The following BPTF variants were observed in gnomAD, a reference collection of about 807,000 sequenced individuals.
BPTF encodes the protein bromodomain PHD finger transcription factor.
Under a neutral mutation model 292.5 loss-of-function variants are expected in BPTF, and 18 were observed. The ratio of observed to expected loss-of-function variants is 0.06; its 90% CI spans 0.04 to 0.09. The LOEUF (loss-of-function observed/expected upper bound fraction) is 0.09, where lower values mean the gene tolerates loss of function less well. Ranked by LOEUF, BPTF falls within the 10% of genes least tolerant of loss-of-function variation. The probability of loss-of-function intolerance (pLI) is 1.00; values close to 1 mark genes in which losing one functional copy is unlikely to be tolerated. For synonymous variants in BPTF, 1,225 were observed against 1,251.9 expected (o/e 0.98, Z 0.45); for missense variants, 2,726 against 3,498.7 (o/e 0.78, Z 5.57).
At chr17:67,897,831 A>T (rs1053745905) in intron 7 of BPTF, among the ~76,000 whole-genome samples, 3 of 152,210 alleles carry the variant, frequency 2.0e-5, no homozygotes. Flanking sequence ...TGTTTCTGTT[A>T]GTGTGAAACT....
chr17:67,917,870 G>A (rs2063153130), intron 11 of BPTF, among the ~76,000 whole-genome samples: 1 of 152,068 alleles, frequency 6.6e-6, no homozygotes, highest in African/African-American at 2.4e-5. Context: ...GGAATGCAGT[G>A]GCCGGATCTT....
intron 7 of BPTF, among the ~76,000 whole-genome samples, chr17:67,901,777 G>A (rs966270593): frequency 1.3e-5 from 2 of 152,186 alleles, no homozygotes; most frequent in African/African-American, 4.8e-5. Context: ...AGGAACGCAG[G>A]GTGGCTTTAT....
At chr17:67,940,283 A>T (rs1279019539) in intron 18 of BPTF, among the ~76,000 whole-genome samples, 156 bp from the exon 19 acceptor site, 1 of 152,180 alleles carries the variant, frequency 6.6e-6, no homozygotes, top group Non-Finnish European at 1.5e-5. Flanking sequence ...GGACCTTTGG[A>T]TGTGGGTATA....
At chr17:67,967,825 A>G (rs1555688405) in intron 26 of BPTF, among the ~76,000 whole-genome samples, 1 of 148,842 alleles carries the variant, frequency 6.7e-6, no homozygotes, top group Non-Finnish European at 1.5e-5. Flanking sequence ...TCAAAAAAAA[A>G]AAAAAGATTG....
rs181587826 is a variant in BPTF, at chr17:67,932,544, A to T, written c.6259+525A>T. Among the ~76,000 whole-genome samples, 6 of 152,244 alleles carry T rather than the reference A, an allele frequency of 3.9e-5. No individual in the cohort carries two copies. The East Asian group carries it at 9.7e-4, about 25-fold the overall frequency. On this transcript the variant is annotated intron_variant, in intron 18 of 27. Transcript: ENST00000306378. ...AAATGCCATCTCTACTAAAAATATT[A>T]AAAAATTAGCTGGGCGTGGTGCCTC...
chr17:67,868,129 C>T (rs1598338240), intron 3 of BPTF, among the ~76,000 whole-genome samples: 1 of 151,926 alleles, frequency 6.6e-6, no homozygotes, highest in Non-Finnish European at 1.5e-5. Context: ...TTCAATGTCA[C>T]CTTATTTATT....
intron 3 of BPTF, among the ~76,000 whole-genome samples, chr17:67,868,978 A>AT (rs1420182535): frequency 6.6e-6 from 1 of 152,104 alleles, no homozygotes; most frequent in Non-Finnish European, 1.5e-5. Context: ...AAAATGTGTA[A>AT]TTTTTTTATT....
At chr17:67,897,762 A>C (rs2061549443) in intron 7 of BPTF, among the ~76,000 whole-genome samples, 1 of 152,166 alleles carries the variant, frequency 6.6e-6, no homozygotes, top group African/African-American at 2.4e-5. Context: ...AATTTCGAGA[A>C]CCAGATAGTT....
In BPTF at chr17:67,893,689, C is replaced by T; in HGVS notation, c.2375C>T (p.Pro792Leu). 1 of 1,609,572 alleles carries T rather than the reference C, an allele frequency of 6.2e-7. No homozygotes were observed. Among genetic ancestry groups the T allele is most frequent in the East Asian group, 2.2e-5 (1 of 44,836 alleles). The change falls in exon 6 of 28, where the codon CCT (proline) becomes CTT (leucine). Residue 792 changes from proline (P) to leucine (L), a missense_variant. By Grantham distance (98) the Pro-to-Leu change is moderately conservative. Coordinates refer to ENST00000306378, the MANE Select transcript of BPTF (RefSeq NM_182641.4). ...ATCACCCAATTAGAAAACAACATCC[C>T]TTCATCCTTTCTTCATCCCAACTGG... ...LTITQLENNI[P>L]SSFLHPNWAS... is the part of the protein sequence containing the mutation.
chr17:67,918,585 A>G (rs1456119878), intron 11 of BPTF, 129 bp from the exon 12 acceptor site: 12 of 779,576 alleles, frequency 1.5e-5, no homozygotes, highest in Middle Eastern at 3.7e-4. Context: ...TTACAAAACC[A>G]TATTATAAAT....
In BPTF at chr17:67,835,913, C is replaced by T. The variant is rs188214812; in HGVS notation, c.613+9576C>T. 5.3e-3 allele frequency among the ~76,000 whole-genome samples: 800 copies of T among 152,196 alleles called. 7 individuals are homozygous for T. Among genetic ancestry groups the T allele is most frequent in the Non-Finnish European group, 7.7e-3 (523 of 67,996 alleles). On this transcript the variant is annotated intron_variant, in intron 1 of 27. Transcript: ENST00000306378. ...ATTTCCTGACCTTGTGATCCGCCCA[C>T]CTCAGCCTCCCAAAGTGCTGGGATT...
Position 67,885,745 on chromosome 17 carries a change from G to T in BPTF, c.1865-6099G>T, listed in dbSNP as rs149398277. Reference sequence around the variant, plus strand: ...AGTAAGACTATAAGCTTCAGATTTTGAATACTATCTCAGCAAACTACCTCT... The same window carrying T: ...AGTAAGACTATAAGCTTCAGATTTTTAATACTATCTCAGCAAACTACCTCT... On this transcript the variant is annotated intron_variant, in intron 4 of 27. Transcript: ENST00000306378. Among the ~76,000 whole-genome samples, 427 of 152,290 alleles carry T rather than the reference G, an allele frequency of 2.8e-3. 5 individuals carry two copies. Among genetic ancestry groups the T allele is most frequent in the African/African-American group, 9.7e-3 (402 of 41,562 alleles).
intron 1 of BPTF, among the ~76,000 whole-genome samples, chr17:67,830,630 AGGGAGGGAGAGGGAGCGGGAGC>A (rs1235344223): frequency 2.2e-5 from 3 of 136,878 alleles, no homozygotes; most frequent in African/African-American, 8.0e-5. Context: ...TGAGGGAGGG[AGGGAGGGAGAGGGAGCGGGAGC>A]GGGAGGGAGC....
chr17:67,852,934 G>C (rs1184850436), intron 1 of BPTF, among the ~76,000 whole-genome samples: 1 of 152,166 alleles, frequency 6.6e-6, no homozygotes, highest in Non-Finnish European at 1.5e-5. Context: ...TCAGGAGTTC[G>C]AGACCAGCCT....
chr17:67,842,180 C>A (rs929820939), intron 1 of BPTF, among the ~76,000 whole-genome samples: 1 of 151,804 alleles, frequency 6.6e-6, no homozygotes, highest in African/African-American at 2.4e-5. Flanking sequence ...TCTACATATG[C>A]TTTCAGTGTA....
chr17:67,873,992 C>CTGGATGGATGGATGGATGGA (rs34261763), intron 3 of BPTF, among the ~76,000 whole-genome samples: 2,224 of 150,424 alleles, frequency 0.015, 51 homozygotes, highest in African/African-American at 0.052. Context: ...TAAGAAAATG[C>CTGGATGGATGGATGGATGGA]TGGATGGATG....
chr17:67,887,597 G>A lies in BPTF; in HGVS notation c.1865-4247G>A, dbSNP rs1461153346. Among the ~76,000 whole-genome samples, 3 of 152,214 alleles carry A rather than the reference G, an allele frequency of 2.0e-5. No individual in the cohort carries two copies. The East Asian group carries it at 5.8e-4, about 29-fold the overall frequency. On this transcript the variant is annotated intron_variant, in intron 4 of 27. Coordinates refer to ENST00000306378, the MANE Select transcript of BPTF (RefSeq NM_182641.4). ...AAGTAATAATTTTCATTTGATATGA[G>A]TTGGAAATCTGTTTTAATTAGGACT...
chr17:67,980,033 AAAAC>A (rs782321356), intron 27 of BPTF, among the ~76,000 whole-genome samples: 54 of 151,800 alleles, frequency 3.6e-4, no homozygotes, highest in South Asian at 1.0e-3. Context: ...ACTCCGTCTG[AAAAC>A]AAACAAACAA....
intron 4 of BPTF, among the ~76,000 whole-genome samples, chr17:67,888,356 A>G (rs1006545365): frequency 1.3e-5 from 2 of 152,122 alleles, no homozygotes; most frequent in East Asian, 1.9e-4. Context: ...TGGGAGGCCA[A>G]GGCGGGCGGA....
Sources: allele counts gnomAD v4.1 joint callset (sites outside exome capture counted in the v4.1 genomes callset), GRCh38; gene constraint gnomAD v4.1.1; transcripts MANE v1.5; gene names NCBI Gene and HGNC (gene_info 2026-07-23, HGNC 2026-07-21).